The following ANK2 variants were observed in gnomAD, a reference collection of about 807,000 sequenced individuals.
ANK2 encodes ankyrin 2.
A neutral mutation model predicts 360.5 loss-of-function variants in ANK2; 83 were observed. The ratio of observed to expected loss-of-function variants is 0.23; its 90% CI spans 0.19 to 0.28. The LOEUF (loss-of-function observed/expected upper bound fraction) is 0.28. ANK2 is among the 10% of genes least tolerant of loss of function. ANK2 has a pLI of 1.00. For synonymous variants in ANK2, 1,740 were observed against 1,759.5 expected (o/e 0.99, Z 0.28); for missense variants, 4,201 against 4,795.7 (o/e 0.88, Z 3.66).
At chr4:113,145,792 A>G (rs769940434) in intron 1 of ANK2, 3 of 1,256,684 alleles carry the variant, frequency 2.4e-6, no homozygotes, top group Non-Finnish European at 2.1e-6. Flanking sequence ...TGCCCACATT[A>G]GTGTACCCCT....
In ANK2 at chr4:113,243,181, A is replaced by G. The variant is rs530601407; in HGVS notation, c.891+972A>G. On this transcript the variant is annotated intron_variant, in intron 9 of 45. Coordinates refer to ENST00000357077, the MANE Select transcript of ANK2 (RefSeq NM_001148.6). ...AAAACTTCAAATGTGCCTATAATACAAAAATGTTAATATGTGGTATAAAAG... is the reference window on the plus strand; with the variant it reads ...AAAACTTCAAATGTGCCTATAATACGAAAATGTTAATATGTGGTATAAAAG... Among the ~76,000 whole-genome samples, 77 of 152,324 alleles carry G rather than the reference A, an allele frequency of 5.1e-4. 1 individual carries two copies. Among genetic ancestry groups the G allele is most frequent in the Middle Eastern group, 6.8e-3 (2 of 292 alleles).
At chr4:113,343,231 C>A in intron 34 of ANK2, 89 bp downstream of exon 34, 2 of 1,373,934 alleles carry the variant, frequency 1.5e-6, no homozygotes, top group South Asian at 1.2e-5. Flanking sequence ...TTTCGCTTTT[C>A]AGTCATCTTC....
At chr4:112,992,836 T>C (rs909799969) in intron 2 of ANK2, among the ~76,000 whole-genome samples, 2 of 152,190 alleles carry the variant, frequency 1.3e-5, no homozygotes, top group African/African-American at 4.8e-5. Context: ...GTTCAGTCCA[T>C]ACCAAGCAAA....
chr4:112,817,202 T>C (rs1297299018), upstream of ANK2, among the ~76,000 whole-genome samples: 1 of 152,242 alleles, frequency 6.6e-6, no homozygotes, highest in Non-Finnish European at 1.5e-5. Flanking sequence ...AGATAAAACC[T>C]GATTTTTTTT....
At chr4:113,307,529 C>A (rs2077816197) in intron 23 of ANK2, among the ~76,000 whole-genome samples, 1 of 151,278 alleles carries the variant, frequency 6.6e-6, no homozygotes, top group Admixed American at 6.6e-5. Flanking sequence ...GCCTTTAGCT[C>A]CCAGAGTAGC....
rs2059584021 is a variant in ANK2, at chr4:113,274,607, A to G, written c.1641A>G (p.Ser547=). Residue 547 remains serine (S), a synonymous_variant, in exon 15 of 46, where the codon TCA becomes TCG. Coordinates refer to ENST00000357077, the MANE Select transcript of ANK2 (RefSeq NM_001148.6). The part of the protein sequence containing the change: ...SAREGQVDVA[S]VLLEAGAAHS... The stretch of plus-strand genomic sequence containing the variant: ...GGGAGGGCCAGGTGGATGTGGCATC[A>G]GTCCTATTGGAAGCAGGAGCAGCCC... The G allele has an allele frequency of 3.1e-6, 5 of 1,614,230 alleles. No homozygotes were observed. The highest frequency in any genetic ancestry group is 3.4e-6 in the Non-Finnish European group (4 of 1,180,042).
Position 113,381,569 on chromosome 4 carries a change from G to A in ANK2, c.*98G>A, listed in dbSNP as rs1317593973. ...TGTACCAGAAGCACTAGACCAGGAC[G>A]ACCTCCAGCGCGATCTCCAGCAGCT... On this transcript the variant is annotated 3_prime_UTR_variant, in exon 46 of 46. Transcript: ENST00000357077. 2.5e-6 allele frequency: 4 copies of A among 1,607,742 alleles called. No homozygotes were observed. Among genetic ancestry groups the A allele is most frequent in the Middle Eastern group, 1.6e-4 (1 of 6,078 alleles).
intron 1 of ANK2, among the ~76,000 whole-genome samples, chr4:112,898,033 G>A (rs1448239444): frequency 1.3e-5 from 2 of 152,054 alleles, no homozygotes; most frequent in African/African-American, 4.8e-5. Flanking sequence ...TTTATCAAAG[G>A]AGAAGCCAAC....
intron 43 of ANK2, among the ~76,000 whole-genome samples, chr4:113,370,147 C>T (rs953208635): frequency 6.6e-6 from 1 of 152,146 alleles, no homozygotes; most frequent in Non-Finnish European, 1.5e-5. Flanking sequence ...CAGAGATTAG[C>T]AGCACCAGGT....
chr4:113,315,783 C>T (rs988685353), intron 24 of ANK2, among the ~76,000 whole-genome samples: 1 of 151,400 alleles, frequency 6.6e-6, no homozygotes, highest in Non-Finnish European at 1.5e-5. Flanking sequence ...CCTGTAGTCC[C>T]AGCTACTCGG....
chr4:113,002,400 A>G (rs2051089352), intron 2 of ANK2, among the ~76,000 whole-genome samples: 1 of 152,242 alleles, frequency 6.6e-6, no homozygotes, highest in South Asian at 2.1e-4. Context: ...TGATGAGTTC[A>G]TGTCCTTTGT....
intron 31 of ANK2, among the ~76,000 whole-genome samples, chr4:113,336,998 T>C (rs1397262727): frequency 1.3e-5 from 2 of 152,200 alleles, no homozygotes; most frequent in Admixed American, 1.3e-4. Context: ...TTTATATGCG[T>C]TGTCATTCTA....
At chr4:113,274,745 C>T in intron 15 of ANK2, 96 bp downstream of exon 15, 1 of 1,330,178 alleles carries the variant, frequency 7.5e-7, no homozygotes. Flanking sequence ...GGTAGATCTC[C>T]TCAGGCCTTG....
At chr4:113,042,732 C>T (rs1396331189) in intron 2 of ANK2, among the ~76,000 whole-genome samples, 1 of 152,148 alleles carries the variant, frequency 6.6e-6, no homozygotes. Flanking sequence ...GTCTTTTCCA[C>T]CAGAGGGCAT....
intron 1 of ANK2, among the ~76,000 whole-genome samples, chr4:113,146,213 G>A (rs1246384827): frequency 6.6e-6 from 1 of 152,150 alleles, no homozygotes; most frequent in Non-Finnish European, 1.5e-5. Context: ...TTTCTCGGTT[G>A]TCTTTAACTC....
At chr4:113,369,931 G>A in intron 43 of ANK2, 126 bp downstream of exon 43, 1 of 1,168,216 alleles carries the variant, frequency 8.6e-7, no homozygotes, top group Non-Finnish European at 1.2e-6. Flanking sequence ...AATTAACCTG[G>A]CACATGGAAA....
chr4:112,835,789 A>G (rs1372391813), intron 1 of ANK2, among the ~76,000 whole-genome samples: 3 of 152,204 alleles, frequency 2.0e-5, no homozygotes, highest in African/African-American at 4.8e-5. Context: ...AAATTTGAGG[A>G]ATAGATGGAA....
the ANK2 span, among the ~76,000 whole-genome samples, chr4:112,773,886 C>T: frequency 3.3e-5 from 5 of 151,958 alleles, no homozygotes; most frequent in East Asian, 1.9e-4. Context: ...CTGCAACCTC[C>T]GCCTCCCAGG....
intron 2 of ANK2, among the ~76,000 whole-genome samples, chr4:113,026,685 A>G (rs72671556): frequency 0.2 from 30,038 of 152,144 alleles, 3,301 homozygotes; most frequent in East Asian, 0.36. Flanking sequence ...AGTAGCATGC[A>G]AAGAAAATAG....
Sources: gnomAD v4.1 joint callset for allele counts (sites outside exome capture counted in the v4.1 genomes callset) on GRCh38, gnomAD v4.1.1 for gene constraint, MANE v1.5 for transcripts, NCBI Gene and HGNC (gene_info 2026-07-23, HGNC 2026-07-21) for gene names.